The following PPEF2 variants were observed in gnomAD, a reference collection of about 807,000 sequenced individuals.
The protein encoded by PPEF2 is protein phosphatase with EF-hand domain 2, also known as serine/threonine-protein phosphatase with EF-hands 2.
Under a neutral mutation model 84.7 loss-of-function variants are expected in PPEF2, and 84 were observed. That is an observed-to-expected ratio of 0.99 (90% CI 0.83 to 1.19). The LOEUF is 1.19. Among genes scored for constraint, PPEF2 ranks in the 50% most tolerant of loss-of-function variants. PPEF2 has a pLI of 0.00. For missense variants in PPEF2, 924 were observed against 937.5 expected, an observed-to-expected ratio of 0.99 and a Z score of 0.19; for synonymous variants, 346 against 345.2, an observed-to-expected ratio of 1.00 and a Z score of -0.03.
rs1228887903 is a variant in PPEF2 at position 75,863,495 on chromosome 4, G to A, written c.2008+945C>T. 6.9e-4 allele frequency among the ~76,000 whole-genome samples: 19 copies of A among 27,360 alleles called. 2 individuals are homozygous for A. The highest frequency in any genetic ancestry group is 2.4e-3 in the South Asian group (1 of 416). 17.9% of individuals were successfully genotyped at this position (27,360 alleles called of 152,430 possible). ...AGCTTGGGTGACAGAGGGAGACTCC[G>A]TCTCAAAAAAAAAAAAAAAAAAAGT... On this transcript the variant is annotated intron_variant, in intron 16 of 16. Coordinates refer to ENST00000286719, the MANE Select transcript of PPEF2 (RefSeq NM_006239.3).
chr4:75,864,145 T>C (rs1724073622), intron 16 of PPEF2, among the ~76,000 whole-genome samples: 1 of 152,184 alleles, frequency 6.6e-6, no homozygotes, highest in Admixed American at 6.5e-5. Flanking sequence ...AGTGCTGGGA[T>C]TAAGGCAGGA....
At chr4:75,878,881 C>T (rs891833665) in intron 10 of PPEF2, among the ~76,000 whole-genome samples, 6 of 152,130 alleles carry the variant, frequency 3.9e-5, no homozygotes, top group Non-Finnish European at 8.8e-5. Context: ...TATTCCCAAG[C>T]AATTCATATC....
At chr4:75,870,691 A>G (rs1410184908) in intron 13 of PPEF2, among the ~76,000 whole-genome samples, 1 of 152,182 alleles carries the variant, frequency 6.6e-6, no homozygotes, top group Non-Finnish European at 1.5e-5. Flanking sequence ...CCTTCACTCA[A>G]GGACTAGCTG....
intron 2 of PPEF2, among the ~76,000 whole-genome samples, chr4:75,895,194 G>A (rs569169606): frequency 2.0e-5 from 3 of 150,546 alleles, no homozygotes; most frequent in East Asian, 2.0e-4. Flanking sequence ...TTGGGAGGCC[G>A]AGGCGGGCAG....
At chr4:75,892,513 G>C (rs1016651244) in intron 2 of PPEF2, among the ~76,000 whole-genome samples, 2 of 151,584 alleles carry the variant, frequency 1.3e-5, no homozygotes, top group Non-Finnish European at 2.9e-5. Context: ...ATGAAGACTA[G>C]GAAAAGCAAA....
intron 2 of PPEF2, among the ~76,000 whole-genome samples, chr4:75,892,323 G>A (rs1484924894): frequency 6.6e-6 from 1 of 152,134 alleles, no homozygotes; most frequent in Non-Finnish European, 1.5e-5. Context: ...GAGATTGCAA[G>A]GATGCAGCAT....
At chr4:75,886,773 A>G in intron 7 of PPEF2, 79 bp downstream of exon 7, 2 of 778,240 alleles carry the variant, frequency 2.6e-6, no homozygotes, top group Non-Finnish European at 4.1e-6. Flanking sequence ...ATATTTAAGC[A>G]TTTGTTCAAT....
intron 10 of PPEF2, among the ~76,000 whole-genome samples, chr4:75,880,818 T>G (rs80302327): frequency 1.2e-4 from 16 of 134,048 alleles, no homozygotes; most frequent in African/African-American, 1.8e-4. Context: ...TTTTTTTTTT[T>G]GAGACAGAGT....
At position 75,884,596 on chromosome 4, in the gene PPEF2, T is replaced by C; in HGVS notation, c.744A>G (p.Leu248=). The C allele has an allele frequency of 6.3e-7, 1 of 1,593,540 alleles. No individual in the cohort carries two copies. Among genetic ancestry groups the C allele is most frequent in the South Asian group, 1.2e-5 (1 of 86,804 alleles). The part of the protein sequence containing the change: ...RGNHEDHMVN[L]RYGFTKEVMN... ...CTCAAGCATGTTTTGACTTGTACCG[T>C]AAGTTCACCATATGGTCCTCATGGT... The change falls in exon 8 of 17, where the codon TTA becomes TTG. Residue 248 remains leucine (L), a splice_region_variant and synonymous_variant. Coordinates refer to ENST00000286719, the MANE Select transcript of PPEF2 (RefSeq NM_006239.3).
At chr4:75,896,230 T>C (rs777433367) in intron 2 of PPEF2, 41 bp downstream of exon 2, 2 of 1,597,560 alleles carry the variant, frequency 1.3e-6, no homozygotes, top group Admixed American at 1.7e-5. Flanking sequence ...ATATGGGCTT[T>C]GTGGTACCCA....
chr4:75,882,633 G>T, intron 10 of PPEF2: 1 of 223,370 alleles, frequency 4.5e-6, no homozygotes, highest in East Asian at 9.1e-5. Flanking sequence ...AAGTAGATAA[G>T]ACTACAGGCC....
Position 75,860,872 on chromosome 4 carries a change from G to A in PPEF2, c.2057C>T (p.Ser686Phe), listed in dbSNP as rs753071560. 3 of 1,614,214 alleles carry A rather than the reference G, an allele frequency of 1.9e-6. No homozygotes were observed. The highest frequency in any genetic ancestry group is 2.5e-6 in the Non-Finnish European group (3 of 1,180,028). The stretch of plus-strand genomic sequence containing the variant: ...ATCTGTAATGTCGATATTCATGTGA[G>A]AGCTGAACAGCTTCCAGGTCTGCCT... ...EFRQTWKLFS[S>F]HMNIDITDDC... The change falls in exon 17 of 17, where the codon TCT becomes TTT. Residue 686 changes from serine to phenylalanine, a missense_variant. Ser to Phe is a radical substitution (Grantham distance 155). Coordinates refer to ENST00000286719, the MANE Select transcript of PPEF2 (RefSeq NM_006239.3).
chr4:75,884,257 C>T (rs927689036), intron 8 of PPEF2, among the ~76,000 whole-genome samples: 1 of 151,864 alleles, frequency 6.6e-6, no homozygotes, highest in African/African-American at 2.4e-5. Context: ...ATGGTGAAGC[C>T]CTGTCTCTAA....
At chr4:75,877,435 G>GGGAA (rs141760946) in intron 10 of PPEF2, among the ~76,000 whole-genome samples, 13 of 151,436 alleles carry the variant, frequency 8.6e-5, no homozygotes, top group South Asian at 2.1e-4. Flanking sequence ...AAGGAAAGAA[G>GGGAA]GGAAGGAAGG....
At chr4:75,896,477 T>C in intron 1 of PPEF2, 94 bp from the exon 2 acceptor site, 4 of 725,036 alleles carry the variant, frequency 5.5e-6, no homozygotes, top group Non-Finnish European at 7.3e-6. Flanking sequence ...GAGAGTATCC[T>C]CTCCACCTCT....
intron 7 of PPEF2, among the ~76,000 whole-genome samples, chr4:75,886,162 C>G (rs551107325): frequency 7.3e-4 from 111 of 152,346 alleles, no homozygotes; most frequent in African/African-American, 2.5e-3. Context: ...AAGCTACCCT[C>G]TGTGGGATTT....
intron 10 of PPEF2, among the ~76,000 whole-genome samples, chr4:75,882,443 C>T (rs569052529): frequency 2.0e-5 from 3 of 152,030 alleles, no homozygotes; most frequent in Non-Finnish European, 2.9e-5. Flanking sequence ...GCAGATAACA[C>T]GGCACTGGTT....
In PPEF2 at chr4:75,891,648, T is replaced by C; in HGVS notation, c.241A>G (p.Arg81Gly). The change falls in exon 4 of 17, where the codon AGG (arginine) becomes GGG (glycine). Residue 81 changes from arginine (R) to glycine (G), a missense_variant and splice_region_variant. Arg to Gly is a moderately radical substitution (Grantham distance 125). Transcript: ENST00000286719. ...ATGACATGTGGCAGTTCATACTCAC[T>C]GTCGTTGTGGCTGCTGGGGATGAAG... Reference protein sequence around the residue: ...DHFIPSSHNDRDFLTRIFTED... With the variant: ...DHFIPSSHNDGDFLTRIFTED... 6.2e-7 allele frequency: 1 copy of C among 1,607,642 alleles called. No homozygotes were observed. The highest frequency in any genetic ancestry group is 8.5e-7 in the Non-Finnish European group (1 of 1,177,374).
At chr4:75,883,599 G>A (rs1022449271) in intron 8 of PPEF2, 98 of 183,066 alleles carry the variant, frequency 5.4e-4, no homozygotes, top group South Asian at 1.5e-3. Context: ...TGGGCGGATC[G>A]CGAGGTCAGG....
Sources: allele counts gnomAD v4.1 joint callset (sites outside exome capture counted in the v4.1 genomes callset), GRCh38; gene constraint gnomAD v4.1.1; transcripts MANE v1.5; gene names NCBI Gene and HGNC (gene_info 2026-07-23, HGNC 2026-07-21).